SLC19A3: variants seen among roughly 807,000 people sequenced by gnomAD.
SLC19A3 encodes solute carrier family 19 member 3.
Under a neutral mutation model 40.2 loss-of-function variants are expected in SLC19A3, and 31 were observed. That is an observed-to-expected ratio of 0.77 (90% CI 0.58 to 1.04). The LOEUF (loss-of-function observed/expected upper bound fraction) is 1.04. Ranked by LOEUF, SLC19A3 falls within the 50% of genes least tolerant of loss-of-function variation. The pLI is 0.00. For missense variants in SLC19A3, 592 were observed against 596.7 expected, an observed-to-expected ratio of 0.99 and a Z score of 0.08; for synonymous variants, 212 against 227.5, an observed-to-expected ratio of 0.93 and a Z score of 0.61.
chr2:227,706,078 TA>T (rs1208832164), intron 1 of SLC19A3, among the ~76,000 whole-genome samples: 31 of 151,974 alleles, frequency 2.0e-4, no homozygotes, highest in Admixed American at 2.0e-3. Flanking sequence ...AAAAATGCAC[TA>T]AATATGAACA....
Position 227,696,013 on chromosome 2 carries a change from C to A in SLC19A3, c.1048G>T (p.Val350Leu). ...NWDLLGELAL[V>L]VFSVVNAGSL... ...CCGGCATTGACAACTGAGAAGACCA[C>A]CAGAGCCAGCTCTCCCAGAAGGTCC... Residue 350 changes from valine to leucine, a missense_variant, in exon 4 of 6, where the codon GTG (valine) becomes TTG (leucine). Transcript: ENST00000644224. 1 of 1,614,136 alleles carries A rather than the reference C, an allele frequency of 6.2e-7. No individual in the cohort carries two copies.
rs1695793420 is a variant in SLC19A3 at position 227,703,477 on chromosome 2, A to C, written c.-2-1157T>G. Reference sequence around the variant, plus strand: ...TAGGGTAAACACTGTTTATGTCAACAAAGCCCTTGATTAAGCAGTGGAGAG... The same window carrying C: ...TAGGGTAAACACTGTTTATGTCAACCAAGCCCTTGATTAAGCAGTGGAGAG... On this transcript the variant is annotated intron_variant, in intron 1 of 5. Coordinates refer to ENST00000644224, the MANE Select transcript of SLC19A3 (RefSeq NM_025243.4). The surrounding 1 kb of genome is among the most constrained non-coding windows in gnomAD (Gnocchi z 4.7). Among the ~76,000 whole-genome samples, 1 of 152,190 alleles carries C rather than the reference A, an allele frequency of 6.6e-6. No homozygotes were observed. The highest frequency in any genetic ancestry group is 1.5e-5 in the Non-Finnish European group (1 of 68,032).
rs75081601 is a variant in SLC19A3 at position 227,696,286 on chromosome 2, C to T, written c.980-205G>A. Among the ~76,000 whole-genome samples, 4,709 of 152,264 alleles carry T rather than the reference C, an allele frequency of 0.031. 250 individuals carry two copies. The highest frequency in any genetic ancestry group is 0.11 in the African/African-American group (4,459 of 41,530). On this transcript the variant is annotated intron_variant, in intron 3 of 5. Transcript: ENST00000644224. ...CTTTTCTTTTCACTTGCTATTCTTT[C>T]GGTCACTTAGTCACCATACTTTTAA...
chr2:227,701,928 TG>T, intron 2 of SLC19A3: 2 of 469,098 alleles, frequency 4.3e-6, no homozygotes, highest in Non-Finnish European at 7.7e-6. Context: ...TTAACACAAA[TG>T]TTAGGACTCT....
At chr2:227,711,923 G>A (rs1696152803) in intron 1 of SLC19A3, among the ~76,000 whole-genome samples, 1 of 151,860 alleles carries the variant, frequency 6.6e-6, no homozygotes, top group African/African-American at 2.4e-5. Flanking sequence ...GGTGGCACAA[G>A]CCTGTAATCC....
chr2:227,687,572 A>G lies in SLC19A3; in HGVS notation c.1316T>C (p.Phe439Ser), dbSNP rs1695065531. 1 of 1,613,594 alleles carries G rather than the reference A, an allele frequency of 6.2e-7. No homozygotes were observed. The highest frequency in any genetic ancestry group is 8.5e-7 in the Non-Finnish European group (1 of 1,179,828). Residue 439 changes from phenylalanine to serine, a missense_variant and splice_region_variant, in exon 6 of 6, where the codon TTT becomes TCT. Transcript: ENST00000644224. ...TGCAAAATAGCTCCCATAAACTAAA[A>G]ACTGGAGAAAAACAAATAATTAGCC... ...RGLNLPVSIQ[F>S]LVYGSYFAVI...
Position 227,699,102 on chromosome 2 carries a change from T to C in SLC19A3, c.613A>G (p.Arg205Gly), listed in dbSNP as rs199558186. 8.8e-4 allele frequency: 1,415 copies of C among 1,614,062 alleles called. 1 individual carries two copies. Among genetic ancestry groups the C allele is most frequent in the Non-Finnish European group, 1.1e-3 (1,342 of 1,180,050 alleles). The part of the protein sequence containing the change: ...KSMFFHAKPS[R>G]EIKKSSSVNP... ...ACGCTTGATGACTTCTTTATTTCTC[T>C]GCTGGGTTTTGCATGAAAAAACATG... The change falls in exon 3 of 6, where the codon AGA becomes GGA. Residue 205 changes from arginine (R) to glycine (G), a missense_variant. Arg to Gly is a moderately radical substitution (Grantham distance 125). Coordinates refer to ENST00000644224, the MANE Select transcript of SLC19A3 (RefSeq NM_025243.4).
At position 227,699,494 on chromosome 2, in the gene SLC19A3, G is replaced by A. The variant is rs568987417; in HGVS notation, c.221C>T (p.Thr74Ile). ...GACTGGCTTGTAGCGGACATAATCG[G>A]TGAGGACAAACACAGGCAGCAGCAG... ...LVLLLPVFVL[T>I]DYVRYKPVII... Residue 74 changes from threonine to isoleucine, a missense_variant, in exon 3 of 6, where the codon ACC becomes ATC. Coordinates refer to ENST00000644224, the MANE Select transcript of SLC19A3 (RefSeq NM_025243.4). 6.2e-7 allele frequency: 1 copy of A among 1,614,180 alleles called. No homozygotes were observed. Among genetic ancestry groups the A allele is most frequent in the African/African-American group, 1.3e-5 (1 of 75,052 alleles).
At chr2:227,688,616 C>T (rs987926208) in intron 4 of SLC19A3, among the ~76,000 whole-genome samples, 3 of 152,144 alleles carry the variant, frequency 2.0e-5, no homozygotes, top group African/African-American at 7.2e-5. Context: ...GATCACAACA[C>T]CCAAATCCTT....
intron 4 of SLC19A3, among the ~76,000 whole-genome samples, chr2:227,692,044 A>G (rs1324122033): frequency 6.6e-6 from 1 of 152,212 alleles, no homozygotes; most frequent in East Asian, 1.9e-4. Context: ...AAACCTGAGA[A>G]GACCAATAAT....
chr2:227,695,070 G>A (rs1235018201), intron 4 of SLC19A3, among the ~76,000 whole-genome samples: 3 of 151,974 alleles, frequency 2.0e-5, no homozygotes, highest in Non-Finnish European at 2.9e-5. Flanking sequence ...CAAAAGAAAA[G>A]AAAAACTGCT....
chr2:227,713,902 G>C (rs1696237703), intron 1 of SLC19A3, among the ~76,000 whole-genome samples: 1 of 149,488 alleles, frequency 6.7e-6, no homozygotes. Flanking sequence ...ATAGCATGAA[G>C]ATTTCATTTA....
Position 227,684,422 on chromosome 2 carries a change from T to A in SLC19A3, c.*2975A>T, listed in dbSNP as rs888081304. On this transcript the variant is annotated 3_prime_UTR_variant, in exon 6 of 6. Coordinates refer to ENST00000644224, the MANE Select transcript of SLC19A3 (RefSeq NM_025243.4). ...GCCTCCTGGGTTTAAGTGACTCTTA[T>A]GCTTCAGCCACCGAGTGGCTGGGAT... 2.0e-5 allele frequency: 3 copies of A among 152,234 alleles called. No homozygotes were observed. The highest frequency in any genetic ancestry group is 2.0e-4 in the Admixed American group (3 of 15,280). 9.4% of individuals were successfully genotyped at this position (152,234 alleles called of 1,614,324 possible). A position where few individuals can be genotyped will look rare whatever the true frequency, so the allele number is the denominator to read the frequency against.
chr2:227,712,001 G>T (rs1335715176), intron 1 of SLC19A3, among the ~76,000 whole-genome samples: 2 of 125,218 alleles, frequency 1.6e-5, no homozygotes, highest in African/African-American at 6.1e-5. Context: ...AGTGAGCCGA[G>T]ATCCCGCTAT....
intron 1 of SLC19A3, among the ~76,000 whole-genome samples, chr2:227,708,083 A>C (rs551950815): frequency 1.3e-5 from 2 of 152,258 alleles, no homozygotes; most frequent in Admixed American, 1.3e-4. Context: ...CACATTGTTT[A>C]CTGCTGGCTC....
At position 227,698,564 on chromosome 2, in the gene SLC19A3, G is replaced by T. The variant is rs534072752; in HGVS notation, c.979+172C>A. Among the ~76,000 whole-genome samples, 14 of 152,270 alleles carry T rather than the reference G, an allele frequency of 9.2e-5. No homozygotes were observed. The South Asian group carries it at 2.9e-3, about 32-fold the overall frequency. On this transcript the variant is annotated intron_variant, in intron 3 of 5. Coordinates refer to ENST00000644224, the MANE Select transcript of SLC19A3 (RefSeq NM_025243.4). ...TCCACGCGTCTCAGCTTCCCAAAGT[G>T]CTGGGATTACAGGCATAAGCCACCA...
chr2:227,710,508 C>T (rs575268678), intron 1 of SLC19A3, among the ~76,000 whole-genome samples: 2 of 152,140 alleles, frequency 1.3e-5, no homozygotes, highest in African/African-American at 2.4e-5. Flanking sequence ...CCAGCCTGGC[C>T]AACATGGCAA....
chr2:227,710,574 A>T (rs965609634), intron 1 of SLC19A3, among the ~76,000 whole-genome samples: 1 of 152,152 alleles, frequency 6.6e-6, no homozygotes, highest in African/African-American at 2.4e-5. Context: ...CGCCTGGGCA[A>T]CATAGAGACC....
At chr2:227,712,343 A>T (rs182162798) in intron 1 of SLC19A3, among the ~76,000 whole-genome samples, 281 of 151,050 alleles carry the variant, frequency 1.9e-3, no homozygotes, top group African/African-American at 6.6e-3. Context: ...TGATAAAAGA[A>T]TTGTCTCCAA....
Sources: gnomAD v4.1 joint callset for allele counts (sites outside exome capture counted in the v4.1 genomes callset) on GRCh38, gnomAD v4.1.1 for gene constraint, Gnocchi (gnomAD v3.1) non-coding constraint, MANE v1.5 for transcripts, NCBI Gene and HGNC (gene_info 2026-07-23, HGNC 2026-07-21) for gene names.